The following ARHGAP10 variants were observed in gnomAD, a reference collection of about 807,000 sequenced individuals.
ARHGAP10 encodes the protein rho GTPase-activating protein 10.
A neutral mutation model predicts 108.6 loss-of-function variants in ARHGAP10; 87 were observed. The ratio of observed to expected loss-of-function variants is 0.80; its 90% CI spans 0.67 to 0.96. The LOEUF (loss-of-function observed/expected upper bound fraction) is 0.96, where lower values mean the gene tolerates loss of function less well. Among genes scored for constraint, ARHGAP10 ranks in the 40% least tolerant of loss-of-function variants. ARHGAP10 has a pLI of 0.00. For missense variants in ARHGAP10, 939 were observed against 954.5 expected (o/e 0.98, Z 0.21); for synonymous variants, 347 against 341.1 (o/e 1.02, Z -0.19).
At chr4:147,944,201 G>C (rs1422358732) in intron 14 of ARHGAP10, among the ~76,000 whole-genome samples, 1 of 152,190 alleles carries the variant, frequency 6.6e-6, no homozygotes, top group Non-Finnish European at 1.5e-5. Context: ...TTTAGTCCTA[G>C]TTATAAAGGA....
chr4:147,984,734 C>T (rs904533573), intron 18 of ARHGAP10, among the ~76,000 whole-genome samples: 2 of 152,200 alleles, frequency 1.3e-5, no homozygotes, highest in South Asian at 2.1e-4. Context: ...TGCCATTCAA[C>T]GTCCAGGCCA....
chr4:147,867,893 A>C (rs1734633508), intron 7 of ARHGAP10, among the ~76,000 whole-genome samples: 1 of 139,606 alleles, frequency 7.2e-6, no homozygotes, highest in South Asian at 2.4e-4. Context: ...AAAAGTTGAG[A>C]GTGAATACCT....
At chr4:148,043,382 A>G (rs918051744) in intron 19 of ARHGAP10, among the ~76,000 whole-genome samples, 2 of 151,938 alleles carry the variant, frequency 1.3e-5, no homozygotes, top group African/African-American at 4.8e-5. Context: ...GGTAACACCT[A>G]AGGGAAGAGA....
intron 1 of ARHGAP10, among the ~76,000 whole-genome samples, chr4:147,765,504 T>C (rs1237844245): frequency 6.6e-6 from 1 of 152,140 alleles, no homozygotes; most frequent in African/African-American, 2.4e-5. Context: ...CTAGTGCTGA[T>C]AGAAGTTTCA....
At chr4:147,760,525 T>A (rs892400260) in intron 1 of ARHGAP10, among the ~76,000 whole-genome samples, 8 of 152,222 alleles carry the variant, frequency 5.3e-5, no homozygotes, top group African/African-American at 1.9e-4. Context: ...GGGGCCATAC[T>A]TTTCTAAGTG....
At chr4:148,066,456 G>GAC in intron 22 of ARHGAP10, among the ~76,000 whole-genome samples, 1 of 152,342 alleles carries the variant, frequency 6.6e-6, no homozygotes, top group East Asian at 1.9e-4. Flanking sequence ...GATAAAAGAG[G>GAC]ACAGCCTGGT....
At chr4:147,909,165 T>C (rs1028202145) in intron 11 of ARHGAP10, among the ~76,000 whole-genome samples, 8 of 152,198 alleles carry the variant, frequency 5.3e-5, no homozygotes, top group African/African-American at 7.2e-5. Context: ...GAAATACTTA[T>C]ATTTAGTAGT....
rs562984417 is a variant in ARHGAP10, at chr4:147,884,332, A to G, written c.1034+2400A>G. Among the ~76,000 whole-genome samples, 11 of 152,310 alleles carry G rather than the reference A, an allele frequency of 7.2e-5. No individual in the cohort carries two copies. In the South Asian group the frequency reaches 2.1e-3, roughly 29 times the overall value. Reference sequence around the variant, plus strand: ...GGTGCTTACACATACGAAGGATAATACCTGTAGGGAGACTCTTGGAACAGG... The same window carrying G: ...GGTGCTTACACATACGAAGGATAATGCCTGTAGGGAGACTCTTGGAACAGG... On this transcript the variant is annotated intron_variant, in intron 10 of 22. Coordinates refer to ENST00000336498, the MANE Select transcript of ARHGAP10 (RefSeq NM_024605.4).
chr4:147,896,307 A>C (rs1404975627), intron 10 of ARHGAP10, among the ~76,000 whole-genome samples: 5 of 152,038 alleles, frequency 3.3e-5, no homozygotes. Flanking sequence ...GAGGTAATTC[A>C]CCTATGAAGT....
At chr4:147,947,223 C>T (rs1442420157) in intron 15 of ARHGAP10, among the ~76,000 whole-genome samples, 4 of 138,110 alleles carry the variant, frequency 2.9e-5, no homozygotes, top group African/African-American at 1.1e-4. Flanking sequence ...TTATGAGTCA[C>T]TGTCTTTTTT....
At chr4:147,743,661 C>T (rs754966403) in intron 1 of ARHGAP10, among the ~76,000 whole-genome samples, 1 of 152,168 alleles carries the variant, frequency 6.6e-6, no homozygotes, top group Non-Finnish European at 1.5e-5. Context: ...CCTGTAATCC[C>T]AGCTACTCTG....
chr4:147,784,815 T>C (rs186981683), intron 1 of ARHGAP10, among the ~76,000 whole-genome samples: 1,116 of 17,584 alleles, frequency 0.063, 186 homozygotes, highest in African/African-American at 0.1. Context: ...TAATATATTA[T>C]AAAATATATA....
At chr4:147,764,372 C>T (rs943741741) in intron 1 of ARHGAP10, among the ~76,000 whole-genome samples, 3 of 151,850 alleles carry the variant, frequency 2.0e-5, no homozygotes, top group Non-Finnish European at 2.9e-5. Context: ...CAGTAAACAG[C>T]ACCTGAAGAC....
intron 18 of ARHGAP10, among the ~76,000 whole-genome samples, chr4:147,981,869 A>G (rs570784553): frequency 2.5e-4 from 38 of 152,270 alleles, no homozygotes; most frequent in Non-Finnish European, 4.9e-4. Context: ...TGATATATGT[A>G]TAAGAGTAGG....
chr4:147,957,532 C>G (rs1008037913), intron 16 of ARHGAP10, among the ~76,000 whole-genome samples: 1 of 152,154 alleles, frequency 6.6e-6, no homozygotes, highest in Non-Finnish European at 1.5e-5. Context: ...TGGTTTTGCT[C>G]AAGTGTCTGT....
intron 15 of ARHGAP10, among the ~76,000 whole-genome samples, chr4:147,947,011 G>T (rs910360917): frequency 4.6e-5 from 7 of 152,104 alleles, no homozygotes; most frequent in African/African-American, 1.4e-4. Flanking sequence ...TTGAATGAAG[G>T]CTATTTATTG....
At chr4:148,062,462 G>A (rs1429581995) in intron 20 of ARHGAP10, among the ~76,000 whole-genome samples, 4 of 152,162 alleles carry the variant, frequency 2.6e-5, no homozygotes, top group South Asian at 2.1e-4. Flanking sequence ...AACCATAGTC[G>A]CCTCCAGTTC....
At chr4:147,937,177 C>T (rs926111679) in intron 13 of ARHGAP10, among the ~76,000 whole-genome samples, 1 of 152,132 alleles carries the variant, frequency 6.6e-6, no homozygotes, top group African/African-American at 2.4e-5. Flanking sequence ...AATTTTCTCA[C>T]AATTCTGGGG....
At chr4:148,019,425 C>CATG (rs1310719018) in intron 18 of ARHGAP10, among the ~76,000 whole-genome samples, 1 of 152,108 alleles carries the variant, frequency 6.6e-6, no homozygotes, top group Non-Finnish European at 1.5e-5. Context: ...TCATTGTGCA[C>CATG]ATGAGAAAAT....
Sources: allele counts gnomAD v4.1 joint callset (sites outside exome capture counted in the v4.1 genomes callset), GRCh38; gene constraint gnomAD v4.1.1; transcripts MANE v1.5; gene names NCBI Gene and HGNC (gene_info 2026-07-23, HGNC 2026-07-21).